The following ZNF341 variants were observed in gnomAD, a reference collection of about 807,000 sequenced individuals.
ZNF341 encodes the protein zinc finger protein 341.
A neutral mutation model predicts 87.7 loss-of-function variants in ZNF341; 52 were observed. That is an observed-to-expected ratio of 0.59 (90% CI 0.47 to 0.75). The LOEUF (loss-of-function observed/expected upper bound fraction) is 0.75, where lower values mean the gene tolerates loss of function less well. Ranked by LOEUF, ZNF341 falls within the 30% of genes least tolerant of loss-of-function variation. The probability of loss-of-function intolerance (pLI) is 0.00; values close to 1 mark genes in which losing one functional copy is unlikely to be tolerated. For missense variants in ZNF341, 977 were observed against 1,145.9 expected, an observed-to-expected ratio of 0.85 and a Z score of 2.13; for synonymous variants, 459 against 472.7, an observed-to-expected ratio of 0.97 and a Z score of 0.38.
chr20:33,761,805 G>A (rs1247892988), intron 7 of ZNF341, 57 bp from the exon 8 acceptor site: 61 of 1,375,726 alleles, frequency 4.4e-5, no homozygotes, highest in Non-Finnish European at 5.8e-5. Flanking sequence ...TGAGCTCCTG[G>A]GCTGAGGCCT....
intron 11 of ZNF341, among the ~76,000 whole-genome samples, chr20:33,782,884 G>T (rs565570274): frequency 3.1e-4 from 47 of 152,302 alleles, no homozygotes; most frequent in African/African-American, 1.1e-3. Context: ...AGCTGGGTGT[G>T]GTGGTGGGCG....
intron 4 of ZNF341, chr20:33,752,304 G>A (rs572149636): frequency 2.3e-5 from 14 of 607,632 alleles, no homozygotes; most frequent in African/African-American, 1.5e-4. Context: ...ATGCAGTATG[G>A]GACATTCTTT....
intron 12 of ZNF341, chr20:33,787,646 C>T (rs2019896112): frequency 6.6e-6 from 1 of 152,222 alleles, no homozygotes; most frequent in African/African-American, 2.4e-5. Flanking sequence ...ACGGGTTTAA[C>T]AGCAGGAAGA....
intron 7 of ZNF341, among the ~76,000 whole-genome samples, chr20:33,761,340 C>T (rs1197021300): frequency 6.6e-6 from 1 of 152,200 alleles, no homozygotes; most frequent in African/African-American, 2.4e-5. Context: ...TCTTGGCTCA[C>T]TGCAACCTCC....
intron 13 of ZNF341, 80 bp downstream of exon 13, chr20:33,789,054 G>C (rs532826879): frequency 9.0e-7 from 1 of 1,117,008 alleles, no homozygotes; most frequent in East Asian, 2.5e-5. Flanking sequence ...TGGGACAGAT[G>C]TCAGGCCTGA....
intron 6 of ZNF341, 30 bp from the exon 7 acceptor site, chr20:33,758,686 C>G: frequency 6.3e-7 from 1 of 1,594,566 alleles, no homozygotes; most frequent in Non-Finnish European, 8.6e-7. Flanking sequence ...CCCCCAGCCT[C>G]ATTGTCCCCT....
At chr20:33,742,932 A>G (rs1410751695) in intron 2 of ZNF341, among the ~76,000 whole-genome samples, 3 of 152,190 alleles carry the variant, frequency 2.0e-5, no homozygotes, top group East Asian at 1.9e-4. Flanking sequence ...GTATTATTGT[A>G]TAAGAAGGAT....
intron 6 of ZNF341, among the ~76,000 whole-genome samples, chr20:33,757,757 C>T (rs2122676874): frequency 6.6e-6 from 1 of 152,302 alleles, no homozygotes; most frequent in East Asian, 1.9e-4. Context: ...GATATTTTTG[C>T]TCATATCTCA....
intron 12 of ZNF341, among the ~76,000 whole-genome samples, chr20:33,784,341 A>C (rs1387077943): frequency 9.1e-4 from 12 of 13,118 alleles, no homozygotes; most frequent in Admixed American, 9.5e-4. Flanking sequence ...CCTCCTTCCC[A>C]TCTCCCTCTA....
rs181503306 is a variant in ZNF341, at chr20:33,762,074, C to A, written c.1222+19C>A. 8 of 1,505,776 alleles carry A rather than the reference C, an allele frequency of 5.3e-6. No individual in the cohort carries two copies. In the Admixed American group the frequency reaches 1.1e-4, roughly 21 times the overall value. The allele number at this position is 1,505,776 out of a possible 1,614,324, so 93.3% of individuals were successfully genotyped here. ...AGCACAGGTGGGTGGAAGTAGGGAA[C>A]GCCATGCTTCCCACACCTCTCTTCT... is the stretch of plus-strand genomic sequence containing the variant. On this transcript the variant is annotated intron_variant, in intron 8 of 14. Transcript: ENST00000375200.
chr20:33,762,191 G>T, intron 8 of ZNF341, 136 bp downstream of exon 8: 1 of 711,564 alleles, frequency 1.4e-6, no homozygotes, highest in Non-Finnish European at 2.1e-6. Context: ...ATAAAATGTG[G>T]CATAAGATGA....
Position 33,741,835 on chromosome 20 carries a change from A to G in ZNF341, c.142+823A>G, listed in dbSNP as rs189966036. 1.6e-4 allele frequency among the ~76,000 whole-genome samples: 25 copies of G among 152,294 alleles called. No individual in the cohort carries two copies. In the East Asian group the frequency reaches 4.6e-3, roughly 28 times the overall value. On this transcript the variant is annotated intron_variant, in intron 2 of 14. Coordinates refer to ENST00000375200, the MANE Select transcript of ZNF341 (RefSeq NM_001282933.2). ...TGGCTGGGTTTGAATTATTGTTCTTATAGTTCTTAGCTCTGTGACCGTGGG... is the reference window on the plus strand; with the variant it reads ...TGGCTGGGTTTGAATTATTGTTCTTGTAGTTCTTAGCTCTGTGACCGTGGG...
intron 5 of ZNF341, 75 bp downstream of exon 5, chr20:33,753,498 C>T: frequency 6.9e-7 from 1 of 1,457,288 alleles, no homozygotes; most frequent in Non-Finnish European, 9.0e-7. Context: ...TCCTGAGCAC[C>T]AGCTGTGTGC....
rs570540546 is a variant in ZNF341 at position 33,791,062 on chromosome 20, G to A, written c.2110G>A (p.Ala704Thr). ...TGCCCACCTCGCCGAGCATCAGCGCGCCCACACGGGCAACTACAAGTTCCG... is the reference window on the plus strand; with the variant it reads ...TGCCCACCTCGCCGAGCATCAGCGCACCCACACGGGCAACTACAAGTTCCG... ...RRAHLAEHQR[A>T]HTGNYKFRCA... is the part of the protein sequence containing the mutation. The change falls in exon 15 of 15, where the codon GCC (alanine) becomes ACC (threonine). Residue 704 changes from alanine to threonine, a missense_variant. Around this residue, in one of 3 missense-constraint regions of ZNF341, gnomAD observed 241 missense variants for 335.0 expected, o/e 0.72. Coordinates refer to ENST00000375200, the MANE Select transcript of ZNF341 (RefSeq NM_001282933.2). The A allele has an allele frequency of 9.4e-5, 151 of 1,613,428 alleles. No homozygotes were observed. The Middle Eastern group carries it at 1.5e-3, about 16-fold the overall frequency.
At chr20:33,757,427 T>G (rs1568942879) in intron 6 of ZNF341, 84 bp downstream of exon 6, 1 of 1,218,652 alleles carries the variant, frequency 8.2e-7, no homozygotes. Context: ...CCTTTTATGG[T>G]TGTTCAAGTT....
chr20:33,733,258 GC>G (rs2018614680), intron 1 of ZNF341, among the ~76,000 whole-genome samples: 1 of 140,166 alleles, frequency 7.1e-6, no homozygotes, highest in African/African-American at 2.7e-5. Flanking sequence ...TTGCTCTGTT[GC>G]CCAGGCTGGA....
intron 3 of ZNF341, among the ~76,000 whole-genome samples, chr20:33,745,929 CTT>C (rs1301920142): frequency 6.8e-5 from 9 of 132,764 alleles, no homozygotes; most frequent in South Asian, 2.3e-4. Context: ...GGGTCTGGGC[CTT>C]TTTTTTTTTT....
chr20:33,770,329 G>A (rs1436285702), intron 10 of ZNF341, 37 bp downstream of exon 10: 1 of 1,526,656 alleles, frequency 6.6e-7, no homozygotes, highest in Non-Finnish European at 9.1e-7. Flanking sequence ...TGGGTGGACG[G>A]GTGGGTGGGC....
chr20:33,741,087 C>A, intron 2 of ZNF341, 75 bp downstream of exon 2: 2 of 1,399,154 alleles, frequency 1.4e-6, no homozygotes, highest in Non-Finnish European at 2.0e-6. Flanking sequence ...TTGTGCTGGG[C>A]TGTGGGAGTG....
Sources: gnomAD v4.1 joint callset for allele counts (sites outside exome capture counted in the v4.1 genomes callset) on GRCh38, gnomAD v4.1.1 for gene constraint, gnomAD v4.1.1 regional missense constraint, MANE v1.5 for transcripts, NCBI Gene and HGNC (gene_info 2026-07-23, HGNC 2026-07-21) for gene names.